Variants in MTAP observed in about 807,000 individuals in gnomAD.
MTAP encodes S-methyl-5'-thioadenosine phosphorylase.
A neutral mutation model predicts 33.6 loss-of-function variants in MTAP; 33 were observed. That is an observed-to-expected ratio of 0.98 (90% CI 0.74 to 1.31). MTAP has a LOEUF of 1.31. MTAP is among the 40% of genes most tolerant of loss of function. MTAP has a pLI of 0.00. For synonymous variants in MTAP, 148 were observed against 125.7 expected, an observed-to-expected ratio of 1.18 and a Z score of -1.19; for missense variants, 367 against 360.0, an observed-to-expected ratio of 1.02 and a Z score of -0.16.
At chr9:21,873,641 T>G (rs1587266972) in intron 1 of MTAP, among the ~76,000 whole-genome samples, 1 of 119,460 alleles carries the variant, frequency 8.4e-6, no homozygotes, top group East Asian at 2.8e-4. Context: ...GAGAAACAAC[T>G]TTATTGTTTT....
intron 4 of MTAP, among the ~76,000 whole-genome samples, chr9:21,831,059 G>T (rs1824954402): frequency 6.6e-6 from 1 of 152,096 alleles, no homozygotes; most frequent in Non-Finnish European, 1.5e-5. Context: ...TGGTACATGG[G>T]CCCTCCATTT....
chr9:21,871,178 G>A (rs142620899), downstream of MTAP, among the ~76,000 whole-genome samples: 139 of 152,042 alleles, frequency 9.1e-4, no homozygotes, highest in African/African-American at 3.1e-3. Flanking sequence ...ATTTTGAAGC[G>A]GCTGTCAACT....
chr9:21,900,599 C>T (rs1008471464), intron 1 of MTAP, among the ~76,000 whole-genome samples: 2 of 152,134 alleles, frequency 1.3e-5, no homozygotes, highest in East Asian at 1.9e-4. Flanking sequence ...CTGTGGAAAG[C>T]GGTTTGGAGA....
Position 21,802,740 on chromosome 9 carries a change from C to G in MTAP, c.-9C>G. On this transcript the variant is annotated 5_prime_UTR_variant, in exon 1 of 8. Transcript: ENST00000644715. ...GCTCGCCCACTGCAGATTCCTTTCCCGTGCAGACATGGCCTCTGGCACCAC... is the reference window on the plus strand; with the variant it reads ...GCTCGCCCACTGCAGATTCCTTTCCGGTGCAGACATGGCCTCTGGCACCAC... The G allele has an allele frequency of 3.1e-6, 5 of 1,613,054 alleles. No homozygotes were observed. The highest frequency in any genetic ancestry group is 4.2e-6 in the Non-Finnish European group (5 of 1,179,852).
chr9:21,874,026 C>T (rs774877121), intron 1 of MTAP, among the ~76,000 whole-genome samples: 6 of 152,138 alleles, frequency 3.9e-5, no homozygotes, highest in Non-Finnish European at 8.8e-5. Flanking sequence ...CTCCACACAT[C>T]GGAATGTGAT....
intron 1 of MTAP, chr9:21,803,114 G>A (rs1045255673): frequency 1.2e-5 from 6 of 498,216 alleles, no homozygotes; most frequent in Admixed American, 8.7e-5. Flanking sequence ...GGATGGGAGA[G>A]GCTGCACCCA....
chr9:21,854,593 G>C, intron 5 of MTAP, 38 bp from the exon 6 acceptor site: 1 of 1,514,732 alleles, frequency 6.6e-7, no homozygotes, highest in Non-Finnish European at 8.8e-7. Flanking sequence ...TTGTGCATGT[G>C]CTAGTATGTT....
At chr9:21,932,524 C>T (rs1485972752), downstream of MTAP, 1 of 151,854 alleles carries the variant, frequency 6.6e-6, no homozygotes, top group Non-Finnish European at 1.5e-5. Flanking sequence ...GTGTGTCTGA[C>T]TACCGATGGC....
At chr9:21,920,615 T>C (rs1296834062) in intron 1 of MTAP, among the ~76,000 whole-genome samples, 1 of 152,148 alleles carries the variant, frequency 6.6e-6, no homozygotes, top group South Asian at 2.1e-4. Flanking sequence ...GGGAAACAAT[T>C]CTCTATGGAT....
chr9:21,933,645 G>A (rs2131052410), downstream of MTAP: 1 of 152,316 alleles, frequency 6.6e-6, no homozygotes, highest in Admixed American at 6.5e-5. Flanking sequence ...CCATCCTTTA[G>A]ATAATCTTAA....
At position 21,865,655 on chromosome 9, in the gene MTAP, C is replaced by G. The variant is rs1345924076; in HGVS notation, c.*3641C>G. The stretch of plus-strand genomic sequence containing the variant: ...GAAGAAAAGAAGGAATGCCAAAGAT[C>G]GAGGAAATCTACCAAGACTAGTAGG... On this transcript the variant is annotated 3_prime_UTR_variant, in exon 8 of 8. Transcript: ENST00000644715. The G allele has an allele frequency of 8.0e-6, 8 of 999,806 alleles. No individual in the cohort carries two copies. Among genetic ancestry groups the G allele is most frequent in the South Asian group, 4.4e-5 (1 of 22,580 alleles). The allele number at this position is 999,806 out of a possible 1,614,324, so 61.9% of individuals were successfully genotyped here. A position where few individuals can be genotyped will look rare whatever the true frequency, so the allele number is the denominator to read the frequency against.
At chr9:21,849,578 G>T (rs1376127600) in intron 5 of MTAP, among the ~76,000 whole-genome samples, 1 of 152,222 alleles carries the variant, frequency 6.6e-6, no homozygotes, top group Non-Finnish European at 1.5e-5. Context: ...GGCTATTACA[G>T]TGGGAAAGGC....
At chr9:21,822,429 G>C (rs1370071530) in intron 4 of MTAP, among the ~76,000 whole-genome samples, 2 of 152,194 alleles carry the variant, frequency 1.3e-5, no homozygotes, top group Non-Finnish European at 2.9e-5. Context: ...TTTCCATGTA[G>C]TTGAGCAGTT....
chr9:21,840,705 C>A (rs560192174), intron 5 of MTAP, among the ~76,000 whole-genome samples: 18 of 152,254 alleles, frequency 1.2e-4, no homozygotes, highest in African/African-American at 4.1e-4. Context: ...AAGGAAGCTC[C>A]CAAATGAAAT....
In MTAP at chr9:21,865,224, A is replaced by T. The variant is rs1270864592; in HGVS notation, c.*3210A>T. On this transcript the variant is annotated 3_prime_UTR_variant, in exon 8 of 8. Coordinates refer to ENST00000644715, the MANE Select transcript of MTAP (RefSeq NM_002451.4). The stretch of plus-strand genomic sequence containing the variant: ...GTTCTCATGATACTGAGTTCTCACA[A>T]GTCCTGTTTGTTTTATAAGGGGCTT... The T allele has an allele frequency of 1.1e-5, 6 of 524,340 alleles. No homozygotes were observed. The highest frequency in any genetic ancestry group is 1.5e-5 in the Non-Finnish European group (6 of 408,740). 32.5% of individuals were successfully genotyped at this position (524,340 alleles called of 1,614,324 possible). A position where few individuals can be genotyped will look rare whatever the true frequency, so the allele number is the denominator to read the frequency against.
chr9:21,890,519 T>C (rs1394393099), intron 1 of MTAP, among the ~76,000 whole-genome samples: 1 of 152,158 alleles, frequency 6.6e-6, no homozygotes, highest in Admixed American at 6.5e-5. Context: ...GGACGTTTTC[T>C]TCTCTCTGTG....
At chr9:21,910,687 A>G (rs1818561079) in intron 1 of MTAP, among the ~76,000 whole-genome samples, 1 of 152,210 alleles carries the variant, frequency 6.6e-6, no homozygotes, top group African/African-American at 2.4e-5. Flanking sequence ...GTTTTTTAAT[A>G]GCAGTGATAT....
chr9:21,838,820 A>G (rs138323317), intron 5 of MTAP, among the ~76,000 whole-genome samples: 9 of 152,374 alleles, frequency 5.9e-5, no homozygotes, highest in Non-Finnish European at 1.3e-4. Context: ...GGTGCAACTC[A>G]AAAGATCAGA....
chr9:21,865,222 C>A lies in MTAP; in HGVS notation c.*3208C>A, dbSNP rs1206708037. On this transcript the variant is annotated 3_prime_UTR_variant, in exon 8 of 8. Coordinates refer to ENST00000644715, the MANE Select transcript of MTAP (RefSeq NM_002451.4). ...CTGTTCTCATGATACTGAGTTCTCACAAGTCCTGTTTGTTTTATAAGGGGC... is the reference window on the plus strand; with the variant it reads ...CTGTTCTCATGATACTGAGTTCTCAAAAGTCCTGTTTGTTTTATAAGGGGC... 14 of 528,466 alleles carry A rather than the reference C, an allele frequency of 2.6e-5. No homozygotes were observed. The highest frequency in any genetic ancestry group is 3.4e-5 in the Non-Finnish European group (14 of 412,482). 32.7% of individuals were successfully genotyped at this position (528,466 alleles called of 1,614,324 possible).
Sources: gnomAD v4.1 joint callset for allele counts (sites outside exome capture counted in the v4.1 genomes callset) on GRCh38, gnomAD v4.1.1 for gene constraint, MANE v1.5 for transcripts, NCBI Gene and HGNC (gene_info 2026-07-23, HGNC 2026-07-21) for gene names.